The following PAN3 variants were observed in gnomAD, a reference collection of about 807,000 sequenced individuals.
PAN3 encodes the protein PAN2-PAN3 deadenylation complex subunit PAN3.
Under a neutral mutation model 96.2 loss-of-function variants are expected in PAN3, and 19 were observed. That is an observed-to-expected ratio of 0.20 (90% CI 0.14 to 0.29). PAN3 has a LOEUF of 0.29. Ranked by LOEUF, PAN3 falls within the 10% of genes least tolerant of loss-of-function variation. The pLI, the probability that PAN3 is intolerant of heterozygous loss-of-function variation, is 1.00. For missense variants in PAN3, 882 were observed against 1,108.1 expected, an observed-to-expected ratio of 0.80 and a Z score of 2.90; for synonymous variants, 433 against 406.6, an observed-to-expected ratio of 1.06 and a Z score of -0.78.
chr13:28,195,315 G>A (rs1877903311), intron 4 of PAN3, among the ~76,000 whole-genome samples: 1 of 151,954 alleles, frequency 6.6e-6, no homozygotes, highest in Non-Finnish European at 1.5e-5. Context: ...AGGTGGGAGG[G>A]TCGTTTGAGC....
intron 6 of PAN3, among the ~76,000 whole-genome samples, chr13:28,223,961 C>G (rs1267981304): frequency 6.8e-6 from 1 of 146,870 alleles, no homozygotes; most frequent in Non-Finnish European, 1.5e-5. Flanking sequence ...CTCGGCCTGC[C>G]AGGTTCACGC....
At chr13:28,283,748 C>G (rs1316786810) in intron 17 of PAN3, among the ~76,000 whole-genome samples, 1 of 152,140 alleles carries the variant, frequency 6.6e-6, no homozygotes, top group Non-Finnish European at 1.5e-5. Context: ...TCCTATTTAA[C>G]AGAGTAATTG....
intron 4 of PAN3, among the ~76,000 whole-genome samples, chr13:28,180,857 G>GT (rs558207695): frequency 3.9e-4 from 58 of 147,314 alleles, no homozygotes; most frequent in South Asian, 6.4e-4. Context: ...GAAGGACTGA[G>GT]TTTTTTTTTT....
intron 17 of PAN3, among the ~76,000 whole-genome samples, chr13:28,282,690 C>A (rs1419329518): frequency 6.6e-6 from 1 of 152,150 alleles, no homozygotes; most frequent in Non-Finnish European, 1.5e-5. Flanking sequence ...CCTATCAGTT[C>A]CTTTTTTTCC....
intron 7 of PAN3, among the ~76,000 whole-genome samples, 192 bp from the exon 8 acceptor site, chr13:28,260,255 G>T (rs1411358342): frequency 6.6e-6 from 1 of 151,988 alleles, no homozygotes; most frequent in African/African-American, 2.4e-5. Flanking sequence ...AATTAGCTGG[G>T]CATGATGGTG....
chr13:28,251,776 A>G (rs1190377388), intron 6 of PAN3, among the ~76,000 whole-genome samples: 1 of 150,390 alleles, frequency 6.6e-6, no homozygotes, highest in Non-Finnish European at 1.5e-5. Flanking sequence ...TAGAAACTCA[A>G]CTTGTAGAGA....
At chr13:28,244,221 A>G (rs1306602836) in intron 6 of PAN3, among the ~76,000 whole-genome samples, 4 of 152,038 alleles carry the variant, frequency 2.6e-5, no homozygotes, top group African/African-American at 9.7e-5. Flanking sequence ...TTCTGTAGCA[A>G]TTTTTGTCTC....
intron 18 of PAN3, 104 bp from the exon 19 acceptor site, chr13:28,292,278 T>C: frequency 8.3e-7 from 1 of 1,199,130 alleles, no homozygotes; most frequent in Non-Finnish European, 1.1e-6. Context: ...TGAAAGGGAA[T>C]GTGACAAAAA....
At chr13:28,141,396 A>G (rs1473012432) in intron 1 of PAN3, among the ~76,000 whole-genome samples, 4 of 151,056 alleles carry the variant, frequency 2.6e-5, no homozygotes, top group African/African-American at 9.7e-5. Flanking sequence ...AGTTTTATTT[A>G]TCTATTAATC....
At chr13:28,280,643 C>A in intron 16 of PAN3, 102 bp downstream of exon 16, 1 of 1,074,170 alleles carries the variant, frequency 9.3e-7, no homozygotes. Context: ...CTTACTGTAA[C>A]CTCTGCCTCC....
intron 1 of PAN3, among the ~76,000 whole-genome samples, chr13:28,155,966 C>T (rs187728672): frequency 1.9e-3 from 283 of 152,164 alleles, no homozygotes; most frequent in African/African-American, 6.4e-3. Flanking sequence ...GCTGTGGCCA[C>T]GTTGTGAAGG....
rs1214580827 is a variant in PAN3 at position 28,264,039 on chromosome 13, TC to T, written c.1411+2583del. Among the ~76,000 whole-genome samples the T allele has an allele frequency of 2.6e-5, 4 of 152,328 alleles. No individual in the cohort carries two copies. The East Asian group carries it at 7.7e-4, about 29-fold the overall frequency. On this transcript the variant is annotated intron_variant, in intron 9 of 18. Coordinates refer to ENST00000380958, the MANE Select transcript of PAN3 (RefSeq NM_175854.8). Reference sequence around the variant, plus strand: ...ACACTTGATAATATAGTTTTTGGCATCCTGAATTACAGTGCAGTGAACATAT... The same window carrying T: ...ACACTTGATAATATAGTTTTTGGCATCTGAATTACAGTGCAGTGAACATAT...
At chr13:28,235,421 C>A (rs1023746338) in intron 6 of PAN3, among the ~76,000 whole-genome samples, 2 of 152,150 alleles carry the variant, frequency 1.3e-5, no homozygotes, top group Admixed American at 6.5e-5. Flanking sequence ...TTATGAAGTA[C>A]ATCTCCTGTT....
chr13:28,204,958 T>C (rs1300856506), intron 5 of PAN3, among the ~76,000 whole-genome samples: 1 of 152,212 alleles, frequency 6.6e-6, no homozygotes, highest in Non-Finnish European at 1.5e-5. Flanking sequence ...AGCATCTCTT[T>C]TGATGCTACT....
At chr13:28,227,496 G>A (rs1302596661) in intron 6 of PAN3, among the ~76,000 whole-genome samples, 1 of 152,166 alleles carries the variant, frequency 6.6e-6, no homozygotes, top group East Asian at 1.9e-4. Context: ...ACTGCTTTCA[G>A]TGTATTATGA....
intron 1 of PAN3, among the ~76,000 whole-genome samples, chr13:28,147,207 T>G (rs1191976137): frequency 6.6e-6 from 1 of 152,200 alleles, no homozygotes; most frequent in Admixed American, 6.5e-5. Context: ...GGCTAGTCAT[T>G]CGGTCTGTGT....
In PAN3 at chr13:28,260,849, G is replaced by C. The variant is rs183906082; in HGVS notation, c.1353+298G>C. Among the ~76,000 whole-genome samples, 47 of 152,122 alleles carry C rather than the reference G, an allele frequency of 3.1e-4. No homozygotes were observed. The East Asian group carries it at 7.9e-3, about 26-fold the overall frequency. On this transcript the variant is annotated intron_variant, in intron 8 of 18. Transcript: ENST00000380958. ...TTGAAGTATATAAATAATTTAAATGGTTTCTAACAGTATTTTTCTAATAGA... is the reference window on the plus strand; with the variant it reads ...TTGAAGTATATAAATAATTTAAATGCTTTCTAACAGTATTTTTCTAATAGA...
At chr13:28,261,598 T>G (rs927104352) in intron 9 of PAN3, 140 bp downstream of exon 9, 2 of 595,506 alleles carry the variant, frequency 3.4e-6, no homozygotes, top group African/African-American at 3.9e-5. Flanking sequence ...TTTGGGAGGC[T>G]GAGGCAGGAG....
intron 14 of PAN3, chr13:28,272,435 AT>A: frequency 1.3e-5 from 2 of 158,284 alleles, no homozygotes; most frequent in Non-Finnish European, 2.8e-5. Context: ...TCTGGCTAAA[AT>A]TTTTTTTATT....
Sources: allele counts gnomAD v4.1 joint callset (sites outside exome capture counted in the v4.1 genomes callset), GRCh38; gene constraint gnomAD v4.1.1; transcripts MANE v1.5; gene names NCBI Gene and HGNC (gene_info 2026-07-23, HGNC 2026-07-21).